CDK14: variants seen among roughly 807,000 people sequenced by gnomAD.
CDK14 encodes cyclin dependent kinase 14, also known as cyclin-dependent kinase 14.
CDK14 carries 34 observed loss-of-function variants against 60.7 expected under a neutral mutation model. That is an observed-to-expected ratio of 0.56 (90% CI 0.43 to 0.75). The LOEUF is 0.75. Ranked by LOEUF, CDK14 falls within the 30% of genes least tolerant of loss-of-function variation. The pLI is 0.00. For synonymous variants in CDK14, 197 were observed against 203.7 expected (o/e 0.97, Z 0.28); for missense variants, 482 against 564.1 (o/e 0.85, Z 1.47).
intron 10 of CDK14, among the ~76,000 whole-genome samples, chr7:91,044,394 C>T (rs966258956): frequency 1.3e-5 from 2 of 152,136 alleles, no homozygotes; most frequent in African/African-American, 4.8e-5. Flanking sequence ...CTTTATCATG[C>T]GGATGAAGCC....
chr7:90,992,490 T>C (rs1021611040), intron 10 of CDK14, among the ~76,000 whole-genome samples: 1 of 152,220 alleles, frequency 6.6e-6, no homozygotes, highest in Non-Finnish European at 1.5e-5. Context: ...CCTGCTCTCA[T>C]AGAACTGATA....
At chr7:90,668,893 A>AT (rs59557254) in intron 2 of CDK14, among the ~76,000 whole-genome samples, 15,034 of 147,094 alleles carry the variant, frequency 0.1, 911 homozygotes, top group East Asian at 0.21. Flanking sequence ...TTGTTTATTT[A>AT]TTTTTTTTTA....
intron 10 of CDK14, 37 bp downstream of exon 10, chr7:90,984,278 T>C (rs773192260): frequency 8.0e-5 from 109 of 1,367,376 alleles, no homozygotes; most frequent in Admixed American, 6.8e-5. Flanking sequence ...GAAAAATTGG[T>C]TTCTAATTAG....
chr7:90,696,340 T>TCTTCTTCTTC (rs1297040160), intron 2 of CDK14, among the ~76,000 whole-genome samples: 4 of 141,462 alleles, frequency 2.8e-5, no homozygotes, highest in South Asian at 2.3e-4. Flanking sequence ...CTTCTTCTTT[T>TCTTCTTCTTC]TTTTTTTTTT....
intron 2 of CDK14, among the ~76,000 whole-genome samples, chr7:90,604,704 G>A (rs962321434): frequency 2.6e-5 from 4 of 151,960 alleles, no homozygotes; most frequent in Non-Finnish European, 5.9e-5. Context: ...TCCTGTTCTA[G>A]TTTTCCTATT....
chr7:90,687,153 G>T (rs1162482190), intron 2 of CDK14, among the ~76,000 whole-genome samples: 1 of 152,042 alleles, frequency 6.6e-6, no homozygotes, highest in Non-Finnish European at 1.5e-5. Flanking sequence ...TTCAAAAAAA[G>T]ATCTCCCTAT....
chr7:90,705,130 ATTAC>A (rs1390851115), intron 2 of CDK14, among the ~76,000 whole-genome samples: 2 of 151,490 alleles, frequency 1.3e-5, no homozygotes, highest in Non-Finnish European at 2.9e-5. Context: ...TGTTTTCTTT[ATTAC>A]TTTTGAAAAT....
intron 2 of CDK14, among the ~76,000 whole-genome samples, chr7:90,649,260 C>CTTTGTTTCTTTGTTTG (rs1563029655): frequency 7.0e-5 from 3 of 42,912 alleles, no homozygotes; most frequent in South Asian, 2.0e-3. Flanking sequence ...TTCTTTCTTT[C>CTTTGTTTCTTTGTTTG]TTTCTTTCTT....
At chr7:90,953,075 A>T (rs1410209178) in intron 8 of CDK14, among the ~76,000 whole-genome samples, 1 of 149,764 alleles carries the variant, frequency 6.7e-6, no homozygotes, top group African/African-American at 2.5e-5. Context: ...TGTTTTAATG[A>T]TTTTCTCCCT....
intron 2 of CDK14, among the ~76,000 whole-genome samples, chr7:90,620,162 T>C (rs1025599512): frequency 6.6e-6 from 1 of 152,180 alleles, no homozygotes; most frequent in Non-Finnish European, 1.5e-5. Flanking sequence ...CTGAGAAATA[T>C]TTATGAGCTT....
chr7:90,648,315 T>A (rs1352951934), intron 2 of CDK14, among the ~76,000 whole-genome samples: 1 of 152,184 alleles, frequency 6.6e-6, no homozygotes, highest in Non-Finnish European at 1.5e-5. Flanking sequence ...TAGGGTTGCC[T>A]GAGTGTCTTC....
chr7:90,861,146 C>G (rs1036381148), intron 5 of CDK14, among the ~76,000 whole-genome samples: 1 of 152,098 alleles, frequency 6.6e-6, no homozygotes, highest in Non-Finnish European at 1.5e-5. Context: ...GCATGACATT[C>G]AGTAAACTTG....
chr7:91,097,085 T>G (rs890420225), intron 12 of CDK14, among the ~76,000 whole-genome samples: 1 of 152,092 alleles, frequency 6.6e-6, no homozygotes, highest in East Asian at 1.9e-4. Flanking sequence ...TTTTATTATA[T>G]AAAAACATAT....
chr7:91,008,213 G>A (rs1228422881), intron 10 of CDK14, among the ~76,000 whole-genome samples: 5 of 148,934 alleles, frequency 3.4e-5, no homozygotes, highest in Admixed American at 6.8e-5. Flanking sequence ...AGAATTTGTT[G>A]TCTGACACTT....
chr7:90,654,022 A>G (rs1255105270), intron 2 of CDK14, among the ~76,000 whole-genome samples: 4 of 152,094 alleles, frequency 2.6e-5, no homozygotes, highest in Non-Finnish European at 5.9e-5. Flanking sequence ...GCTGCATAGG[A>G]TTCTATGGTG....
intron 12 of CDK14, among the ~76,000 whole-genome samples, chr7:91,081,609 G>A (rs552569736): frequency 6.6e-6 from 1 of 152,244 alleles, no homozygotes; most frequent in Admixed American, 6.5e-5. Context: ...CTGCCTAAGA[G>A]AGTAGGAATT....
At chr7:90,733,189 A>T (rs1802944083) in intron 3 of CDK14, among the ~76,000 whole-genome samples, 3 of 152,008 alleles carry the variant, frequency 2.0e-5, no homozygotes, top group Admixed American at 2.0e-4. Context: ...ATTTGATTGC[A>T]CTGTGGTCTG....
chr7:90,711,882 ATGTT>A (rs1449816655), intron 2 of CDK14, among the ~76,000 whole-genome samples: 13 of 110,864 alleles, frequency 1.2e-4, no homozygotes, highest in South Asian at 2.9e-4. Context: ...ATAGTCTACT[ATGTT>A]TTTTTTTTTT....
chr7:90,647,041 T>C (rs1476997699), intron 2 of CDK14, among the ~76,000 whole-genome samples: 1 of 152,224 alleles, frequency 6.6e-6, no homozygotes, highest in East Asian at 1.9e-4. Flanking sequence ...CATGAAAATA[T>C]ATGCTTTACT....
Sources: gnomAD v4.1 joint callset for allele counts (sites outside exome capture counted in the v4.1 genomes callset) on GRCh38, gnomAD v4.1.1 for gene constraint, MANE v1.5 for transcripts, NCBI Gene and HGNC (gene_info 2026-07-23, HGNC 2026-07-21) for gene names.